Variants in CDH4 observed in about 807,000 individuals in gnomAD.
The protein encoded by CDH4 is cadherin 4.
A neutral mutation model predicts 86.0 loss-of-function variants in CDH4; 33 were observed. The observed-to-expected ratio is 0.38, with a 90% CI of 0.29 to 0.51. The LOEUF is 0.51. Ranked by LOEUF, CDH4 falls within the 20% of genes least tolerant of loss-of-function variation. The pLI, the probability that CDH4 is intolerant of heterozygous loss-of-function variation, is 0.86. For synonymous variants in CDH4, 555 were observed against 549.4 expected, an observed-to-expected ratio of 1.01 and a Z score of -0.14; for missense variants, 1,114 against 1,307.4, an observed-to-expected ratio of 0.85 and a Z score of 2.28.
chr20:61,513,517 G>A (rs1003300310), intron 2 of CDH4, among the ~76,000 whole-genome samples: 2 of 152,200 alleles, frequency 1.3e-5, no homozygotes, highest in Non-Finnish European at 2.9e-5. Flanking sequence ...AAGGCACCAG[G>A]CCGCCATGGC....
intron 3 of CDH4, among the ~76,000 whole-genome samples, chr20:61,760,942 A>G (rs2088626057): frequency 6.6e-6 from 1 of 152,214 alleles, no homozygotes; most frequent in South Asian, 2.1e-4. Flanking sequence ...AAGAATGTAG[A>G]TATTGTTCTG....
Position 61,516,122 on chromosome 20 carries a change from G to A in CDH4, c.170-227441G>A, listed in dbSNP as rs879780195. Among the ~76,000 whole-genome samples, 132 of 152,324 alleles carry A rather than the reference G, an allele frequency of 8.7e-4. No individual in the cohort carries two copies. The highest frequency in any genetic ancestry group is 3.0e-3 in the African/African-American group (123 of 41,580). On this transcript the variant is annotated intron_variant, in intron 2 of 15. Transcript: ENST00000614565. This position sits in a 1 kb window ranked among gnomAD's most constrained non-coding sequence, Gnocchi z 4.0. ...TGCTCTGCGTTGCACTGGCAGAGGG[G>A]CAGCACAGGACTTAATTCTGCAGCC...
intron 2 of CDH4, among the ~76,000 whole-genome samples, chr20:61,363,214 T>C (rs2084793791): frequency 6.6e-6 from 1 of 152,116 alleles, no homozygotes; most frequent in African/African-American, 2.4e-5. Context: ...TTTCTCATCC[T>C]CCCATCCGTT....
At chr20:61,523,587 A>G (rs1397754680) in intron 2 of CDH4, among the ~76,000 whole-genome samples, 5 of 152,216 alleles carry the variant, frequency 3.3e-5, no homozygotes, top group Non-Finnish European at 7.3e-5. Flanking sequence ...ACCAGGGCAG[A>G]TTGCAGCTGT....
At chr20:61,372,275 T>C (rs2084845143) in intron 2 of CDH4, among the ~76,000 whole-genome samples, 1 of 152,182 alleles carries the variant, frequency 6.6e-6, no homozygotes, top group Admixed American at 6.5e-5. Context: ...GGCCCATGGG[T>C]CTGTCCCATG....
intron 2 of CDH4, among the ~76,000 whole-genome samples, chr20:61,692,208 T>A (rs187525021): frequency 0.011 from 1,601 of 148,848 alleles, 28 homozygotes; most frequent in African/African-American, 0.038. Flanking sequence ...TGTGTGTATG[T>A]CTATGTATGT....
intron 2 of CDH4, among the ~76,000 whole-genome samples, chr20:61,642,550 T>C (rs2427217): frequency 0.62 from 94,782 of 152,134 alleles, 29,977 homozygotes; most frequent in African/African-American, 0.72. Context: ...CAGGATCTGG[T>C]GGGCAGTTTG....
intron 2 of CDH4, among the ~76,000 whole-genome samples, chr20:61,596,616 C>G (rs554820017): frequency 2.0e-5 from 3 of 152,170 alleles, no homozygotes; most frequent in Admixed American, 2.0e-4. Context: ...TGTTTACTGA[C>G]GGGTTGTACC....
At chr20:61,651,690 C>A (rs969011889) in intron 2 of CDH4, among the ~76,000 whole-genome samples, 11 of 152,214 alleles carry the variant, frequency 7.2e-5, no homozygotes, top group African/African-American at 2.7e-4. Context: ...CCAACCTCCT[C>A]TCCTCCAAAT....
intron 4 of CDH4, among the ~76,000 whole-genome samples, chr20:61,806,984 C>T (rs1383644303): frequency 6.6e-6 from 1 of 152,224 alleles, no homozygotes; most frequent in African/African-American, 2.4e-5. Flanking sequence ...ATCACAGCTA[C>T]ACTTTGACAG....
At chr20:61,457,124 G>C (rs191205436) in intron 2 of CDH4, among the ~76,000 whole-genome samples, 1 of 152,276 alleles carries the variant, frequency 6.6e-6, no homozygotes, top group South Asian at 2.1e-4. Context: ...AAGGACCTCC[G>C]TGAGGTTCAC....
chr20:61,512,918 T>G (rs2085790853), intron 2 of CDH4, among the ~76,000 whole-genome samples: 1 of 152,254 alleles, frequency 6.6e-6, no homozygotes, highest in African/African-American at 2.4e-5. Context: ...TTGTTTGTTT[T>G]TTGGGCCAAT....
At chr20:61,777,065 A>T (rs17748881) in intron 4 of CDH4, among the ~76,000 whole-genome samples, 1,886 of 152,280 alleles carry the variant, frequency 0.012, 33 homozygotes, top group African/African-American at 0.043. Flanking sequence ...CAACCAGATC[A>T]TTCTTTACCC....
intron 2 of CDH4, among the ~76,000 whole-genome samples, chr20:61,640,024 T>C (rs2086988619): frequency 6.6e-6 from 1 of 152,220 alleles, no homozygotes; most frequent in Admixed American, 6.5e-5. Context: ...TAGTGGATAG[T>C]TCACTTGGGA....
chr20:61,484,677 G>C (rs774048952), intron 2 of CDH4, among the ~76,000 whole-genome samples: 16 of 152,196 alleles, frequency 1.1e-4, no homozygotes, highest in Non-Finnish European at 2.2e-4. Context: ...TGGGGAGAAG[G>C]TACCTGTGTG....
chr20:61,674,263 CGAGGTGGAGGA>C (rs1036585503), intron 2 of CDH4, among the ~76,000 whole-genome samples: 3 of 152,080 alleles, frequency 2.0e-5, no homozygotes, highest in East Asian at 1.9e-4. Context: ...GTGACAAGGG[CGAGGTGGAGGA>C]GAGGTGGAGG....
chr20:61,279,110 C>T (rs2084245103), intron 2 of CDH4, among the ~76,000 whole-genome samples: 1 of 152,196 alleles, frequency 6.6e-6, no homozygotes, highest in Non-Finnish European at 1.5e-5. Context: ...GCATGACTGA[C>T]GTTCCTGAGA....
intron 2 of CDH4, among the ~76,000 whole-genome samples, chr20:61,291,557 A>C (rs1568784169): frequency 6.6e-6 from 1 of 152,222 alleles, no homozygotes; most frequent in Non-Finnish European, 1.5e-5. Flanking sequence ...AATAGCTAAG[A>C]ATGCAAGGTG....
At chr20:61,370,732 A>G (rs951445218) in intron 2 of CDH4, 3 of 152,162 alleles carry the variant, frequency 2.0e-5, no homozygotes, top group East Asian at 1.9e-4. Flanking sequence ...TGAGGAGGCA[A>G]TTTTTCTCCC....
Sources: gnomAD v4.1 joint callset for allele counts (sites outside exome capture counted in the v4.1 genomes callset) on GRCh38, gnomAD v4.1.1 for gene constraint, Gnocchi (gnomAD v3.1) non-coding constraint, MANE v1.5 for transcripts, NCBI Gene and HGNC (gene_info 2026-07-23, HGNC 2026-07-21) for gene names.